YTHDF2: variants seen among roughly 807,000 people sequenced by gnomAD.
YTHDF2 encodes the protein YTH domain-containing family protein 2.
A neutral mutation model predicts 50.4 loss-of-function variants in YTHDF2; 2 were observed. The observed-to-expected ratio is 0.04, with a 90% confidence interval of 0.02 to 0.12. The LOEUF is 0.12. YTHDF2 is among the 10% of genes least tolerant of loss of function. The pLI is 1.00. For missense variants in YTHDF2, 483 were observed against 722.6 expected (o/e 0.67, Z 3.80); for synonymous variants, 217 against 255.6 (o/e 0.85, Z 1.44).
chr1:28,755,445 T>G (rs185068176), intron 4 of YTHDF2, among the ~76,000 whole-genome samples: 146 of 152,318 alleles, frequency 9.6e-4, no homozygotes, highest in African/African-American at 3.4e-3. Flanking sequence ...TCTTGTATCC[T>G]TGTGAGGTAG....
intron 4 of YTHDF2, among the ~76,000 whole-genome samples, chr1:28,765,679 C>T (rs2088205777): frequency 6.6e-6 from 1 of 152,160 alleles, no homozygotes; most frequent in South Asian, 2.1e-4. Context: ...TCTTGAACTC[C>T]TGGCCTCAAG....
chr1:28,751,575 GTGAATAGATAAAACGCCTCTTTC>G (rs2087953348), intron 4 of YTHDF2, among the ~76,000 whole-genome samples: 1 of 152,178 alleles, frequency 6.6e-6, no homozygotes, highest in African/African-American at 2.4e-5. Context: ...TCCTTGCTTT[GTGAATAGATAAAACGCCTCTTTC>G]TGCAGCCTCC....
intron 4 of YTHDF2, among the ~76,000 whole-genome samples, chr1:28,748,779 C>A (rs1349823312): frequency 2.6e-5 from 4 of 152,108 alleles, no homozygotes; most frequent in Non-Finnish European, 5.9e-5. Context: ...TTATTTAGAA[C>A]TTTTCCCCAG....
Position 28,738,280 on chromosome 1 carries a change from A to G in YTHDF2, c.74A>G (p.Gln25Arg). Reference protein sequence around the residue: ...GNKVQNGSVHQKDGLNDDDFE... With the variant: ...GNKVQNGSVHRKDGLNDDDFE... ...TTAGTACAAAATGGATCTGTACATC[A>G]AAAGGATGGATTAAACGATGATGAT... The change falls in exon 3 of 5, where the codon CAA (glutamine) becomes CGA (arginine). Residue 25 changes from glutamine (Q) to arginine (R), a missense_variant. Coordinates refer to ENST00000373812, the MANE Select transcript of YTHDF2 (RefSeq NM_016258.3). 6.2e-7 allele frequency: 1 copy of G among 1,614,138 alleles called. No homozygotes were observed. Among genetic ancestry groups the G allele is most frequent in the Non-Finnish European group, 8.5e-7 (1 of 1,180,008 alleles).
intron 4 of YTHDF2, among the ~76,000 whole-genome samples, chr1:28,758,651 A>G (rs550377880): frequency 6.6e-6 from 1 of 152,356 alleles, no homozygotes; most frequent in Admixed American, 6.5e-5. Flanking sequence ...GCGACAGGTT[A>G]TCATAAGTAG....
intron 4 of YTHDF2, among the ~76,000 whole-genome samples, chr1:28,763,381 C>T (rs1226188637): frequency 6.6e-6 from 1 of 152,158 alleles, no homozygotes; most frequent in East Asian, 1.9e-4. Context: ...TCAAACAATT[C>T]TCCTGCCTCA....
chr1:28,759,822 G>A (rs995319226), intron 4 of YTHDF2, among the ~76,000 whole-genome samples: 2 of 152,104 alleles, frequency 1.3e-5, no homozygotes, highest in African/African-American at 4.8e-5. Context: ...CGGGCGTGGT[G>A]GTGCACACCT....
At position 28,743,575 on chromosome 1, in the gene YTHDF2, A is replaced by G. The variant is rs1408714817; in HGVS notation, c.1305A>G (p.Thr435=). The G allele has an allele frequency of 6.2e-7, 1 of 1,614,078 alleles. No individual in the cohort carries two copies. The highest frequency in any genetic ancestry group is 1.3e-5 in the African/African-American group (1 of 74,934). The change falls in exon 4 of 5, where the codon ACA becomes ACG. Residue 435 remains threonine (T), a synonymous_variant. Coordinates refer to ENST00000373812, the MANE Select transcript of YTHDF2 (RefSeq NM_016258.3). The surrounding 1 kb of genome is among the most constrained non-coding windows in gnomAD (Gnocchi z 6.9). ...TTAAGTATAATATTTGGTGCAGCAC[A>G]GAGCATGGTAACAAGAGACTGGATG... ...RSIKYNIWCS[T]EHGNKRLDAA... is the part of the protein sequence containing the mutation.
chr1:28,744,876 C>G (rs901951525), intron 4 of YTHDF2, among the ~76,000 whole-genome samples: 85 of 152,042 alleles, frequency 5.6e-4, no homozygotes, highest in African/African-American at 2.0e-3. Flanking sequence ...GCCATGTTGC[C>G]CAGGCTGGTC....
intron 4 of YTHDF2, among the ~76,000 whole-genome samples, chr1:28,749,671 GA>G (rs778106672): frequency 6.6e-6 from 1 of 152,126 alleles, no homozygotes; most frequent in Non-Finnish European, 1.5e-5. Flanking sequence ...AAGTAGAGAG[GA>G]CAAAGGACTA....
intron 3 of YTHDF2, 107 bp from the exon 4 acceptor site, chr1:28,742,296 G>C (rs962122352): frequency 1.4e-6 from 2 of 1,421,266 alleles, no homozygotes; most frequent in Admixed American, 4.7e-5. Flanking sequence ...CGTCCGGCCT[G>C]CACACTCCTT....
intron 4 of YTHDF2, among the ~76,000 whole-genome samples, chr1:28,757,923 C>T (rs1547734): frequency 0.041 from 6,195 of 152,002 alleles, 409 homozygotes; most frequent in African/African-American, 0.14. Flanking sequence ...ATCTATAAGG[C>T]GCTTGTCATA....
chr1:28,741,996 G>T (rs562420663), intron 3 of YTHDF2, among the ~76,000 whole-genome samples: 20 of 150,622 alleles, frequency 1.3e-4, no homozygotes, highest in African/African-American at 4.6e-4. Flanking sequence ...AATTTCTTAT[G>T]ATATAAAAAA....
chr1:28,744,373 T>G (rs2087827778), intron 4 of YTHDF2, among the ~76,000 whole-genome samples: 2 of 152,154 alleles, frequency 1.3e-5, no homozygotes, highest in African/African-American at 4.8e-5. Context: ...ATGTTCTCTG[T>G]TGGATTAACT....
chr1:28,753,032 G>A (rs1034458573), intron 4 of YTHDF2, among the ~76,000 whole-genome samples: 1 of 151,788 alleles, frequency 6.6e-6, no homozygotes, highest in Admixed American at 6.6e-5. Flanking sequence ...GTGACAGCAG[G>A]AGACTGTCCC....
intron 4 of YTHDF2, among the ~76,000 whole-genome samples, chr1:28,759,509 C>T (rs761342482): frequency 1.2e-4 from 18 of 152,136 alleles, no homozygotes; most frequent in Non-Finnish European, 2.5e-4. Context: ...ATGGTAGAGC[C>T]TACTACACAA....
At chr1:28,765,344 C>G (rs2088200360) in intron 4 of YTHDF2, among the ~76,000 whole-genome samples, 1 of 152,066 alleles carries the variant, frequency 6.6e-6, no homozygotes, top group Admixed American at 6.6e-5. Flanking sequence ...TTAAATATAA[C>G]TTAGTGCACC....
chr1:28,737,173 G>C, intron 1 of YTHDF2, 26 bp downstream of exon 1: 2 of 1,566,778 alleles, frequency 1.3e-6, no homozygotes, highest in Non-Finnish European at 1.7e-6. Flanking sequence ...GCATGCCTCG[G>C]CCATTGTGTG....
chr1:28,750,424 C>G (rs1395250431), intron 4 of YTHDF2, among the ~76,000 whole-genome samples: 2 of 152,004 alleles, frequency 1.3e-5, no homozygotes, highest in Non-Finnish European at 2.9e-5. Flanking sequence ...TTTCAAGAAA[C>G]TAAAAGAGAT....
Sources: allele counts gnomAD v4.1 joint callset (sites outside exome capture counted in the v4.1 genomes callset), GRCh38; gene constraint gnomAD v4.1.1; non-coding constraint Gnocchi (gnomAD v3.1); transcripts MANE v1.5; gene names NCBI Gene and HGNC (gene_info 2026-07-23, HGNC 2026-07-21).